The following SHISA9 variants were observed in gnomAD, a reference collection of about 807,000 sequenced individuals.
SHISA9 encodes shisa family member 9.
SHISA9 carries 13 observed loss-of-function variants against 38.0 expected under a neutral mutation model. That is an observed-to-expected ratio of 0.34 (90% CI 0.22 to 0.54). SHISA9 has a LOEUF of 0.54. Among genes scored for constraint, SHISA9 ranks in the 20% least tolerant of loss-of-function variants. SHISA9 has a pLI of 0.91. For synonymous variants in SHISA9, 275 were observed against 242.0 expected (o/e 1.14, Z -1.27); for missense variants, 538 against 575.8 (o/e 0.93, Z 0.67).
chr16:13,198,282 G>A (rs1216710620), intron 2 of SHISA9, among the ~76,000 whole-genome samples: 1 of 146,672 alleles, frequency 6.8e-6, no homozygotes, highest in Non-Finnish European at 1.5e-5. Flanking sequence ...ATATATACTT[G>A]TGTGTATATG....
rs1596744134 is a variant in SHISA9, at chr16:13,221,098, C to T, written c.895+7798C>T. On this transcript the variant is annotated intron_variant, in intron 4 of 4. Coordinates refer to ENST00000558583, the MANE Select transcript of SHISA9 (RefSeq NM_001145204.3). ...CTTCAGGGTTAAGACTAAAAAAGGG[C>T]CAGGCTCCTGGACGCCTTTTTCCGG... is the stretch of plus-strand genomic sequence containing the variant. Among the ~76,000 whole-genome samples, 3 of 151,984 alleles carry T rather than the reference C, an allele frequency of 2.0e-5. No individual in the cohort carries two copies. In the South Asian group the frequency reaches 6.2e-4, roughly 32 times the overall value.
the SHISA9 span, among the ~76,000 whole-genome samples, chr16:13,554,314 A>C: frequency 6.9e-6 from 1 of 145,662 alleles, no homozygotes; most frequent in Middle Eastern, 3.5e-3. Context: ...AAAAAAAAAC[A>C]CCTTTCATGC....
the SHISA9 span, among the ~76,000 whole-genome samples, chr16:13,342,280 AC>A: frequency 3.9e-5 from 6 of 152,142 alleles, no homozygotes; most frequent in Admixed American, 3.9e-4. Context: ...TGTCCTATGT[AC>A]AAACATCACA....
intron 2 of SHISA9, among the ~76,000 whole-genome samples, chr16:13,103,679 C>G (rs1041912780): frequency 4.6e-5 from 7 of 152,248 alleles, no homozygotes; most frequent in Middle Eastern, 3.2e-3. Context: ...AAGCTTTCCT[C>G]TCTTCTGTCT....
At chr16:13,146,345 G>A (rs532514189) in intron 2 of SHISA9, among the ~76,000 whole-genome samples, 2 of 152,280 alleles carry the variant, frequency 1.3e-5, no homozygotes, top group African/African-American at 4.8e-5. Flanking sequence ...AGGAAGTTAG[G>A]TGCATAGCTT....
intron 2 of SHISA9, among the ~76,000 whole-genome samples, chr16:13,070,312 C>T (rs2073498265): frequency 6.6e-6 from 1 of 152,160 alleles, no homozygotes; most frequent in African/African-American, 2.4e-5. Context: ...CTCTTTCTCT[C>T]CTCCTTCCGT....
At chr16:12,942,224 T>C (rs554968693) in intron 2 of SHISA9, among the ~76,000 whole-genome samples, 196 of 152,346 alleles carry the variant, frequency 1.3e-3, no homozygotes, top group African/African-American at 4.5e-3. Flanking sequence ...GTTTCAATTC[T>C]CTTGTATTTC....
the SHISA9 span, among the ~76,000 whole-genome samples, chr16:13,341,559 C>A: frequency 1.3e-5 from 2 of 152,112 alleles, no homozygotes; most frequent in Non-Finnish European, 2.9e-5. Context: ...ATAGTTTATA[C>A]CTGCTGTTAT....
At position 13,186,477 on chromosome 16, in the gene SHISA9, T is replaced by C. The variant is rs377107291; in HGVS notation, c.692-16917T>C. Among the ~76,000 whole-genome samples the C allele has an allele frequency of 1.6e-4, 25 of 151,910 alleles. 2 individuals carry two copies. Among genetic ancestry groups the C allele is most frequent in the African/African-American group, 5.6e-4 (23 of 41,436 alleles). ...CACACCCGGCTAATTTTTGTATTTT[T>C]AGTAGAGATGGGATTTCACCATGTT... On this transcript the variant is annotated intron_variant, in intron 2 of 4. Transcript: ENST00000558583.
intron 4 of SHISA9, among the ~76,000 whole-genome samples, chr16:13,217,009 C>T (rs1293047408): frequency 1.3e-5 from 2 of 152,036 alleles, no homozygotes; most frequent in Non-Finnish European, 2.9e-5. Context: ...CGGTGGCTCA[C>T]GCCTGTAATC....
chr16:13,270,010 C>A, the SHISA9 span, among the ~76,000 whole-genome samples: 1 of 152,094 alleles, frequency 6.6e-6, no homozygotes, highest in Admixed American at 6.5e-5. Flanking sequence ...GAGCCTGACC[C>A]AATTATAATT....
intron 2 of SHISA9, among the ~76,000 whole-genome samples, chr16:13,101,131 G>A (rs1045206731): frequency 6.6e-6 from 1 of 152,138 alleles, no homozygotes; most frequent in Non-Finnish European, 1.5e-5. Context: ...GAGGGAAGTG[G>A]GGAGATATTG....
At chr16:13,387,258 ATTG>A in the SHISA9 span, among the ~76,000 whole-genome samples, 5 of 152,190 alleles carry the variant, frequency 3.3e-5, no homozygotes, top group South Asian at 4.1e-4. Context: ...TGGAAATAGA[ATTG>A]TTGTAAACAG....
intron 2 of SHISA9, among the ~76,000 whole-genome samples, chr16:13,132,347 C>T (rs1475996168): frequency 6.6e-6 from 1 of 152,096 alleles, no homozygotes; most frequent in Non-Finnish European, 1.5e-5. Flanking sequence ...ACTGCTATTG[C>T]TGCTAATATT....
chr16:13,026,740 A>G (rs1285199981), intron 2 of SHISA9, among the ~76,000 whole-genome samples: 1 of 152,208 alleles, frequency 6.6e-6, no homozygotes, highest in Admixed American at 6.5e-5. Context: ...AAATGTGAGT[A>G]GTGATGGGAA....
chr16:13,081,178 GT>G (rs1396130877), intron 2 of SHISA9, among the ~76,000 whole-genome samples: 1 of 152,202 alleles, frequency 6.6e-6, no homozygotes, highest in East Asian at 1.9e-4. Flanking sequence ...TAATTTAGAA[GT>G]TTTTGCTGTA....
At chr16:13,052,304 C>T (rs996769599) in intron 2 of SHISA9, among the ~76,000 whole-genome samples, 1 of 152,146 alleles carries the variant, frequency 6.6e-6, no homozygotes, top group Non-Finnish European at 1.5e-5. Context: ...ATGCTTCTAG[C>T]AGTGGAAATA....
intron 2 of SHISA9, among the ~76,000 whole-genome samples, chr16:13,151,545 C>T (rs2050499681): frequency 6.6e-6 from 1 of 152,174 alleles, no homozygotes; most frequent in African/African-American, 2.4e-5. Flanking sequence ...TATATCTTAT[C>T]CACCCAGACA....
chr16:12,983,909 A>C (rs923877114), intron 2 of SHISA9, among the ~76,000 whole-genome samples: 4 of 152,060 alleles, frequency 2.6e-5, no homozygotes, highest in African/African-American at 7.2e-5. Flanking sequence ...CTTATCACCA[A>C]ATGCTATGTG....
Sources: gnomAD v4.1 joint callset for allele counts (sites outside exome capture counted in the v4.1 genomes callset) on GRCh38, gnomAD v4.1.1 for gene constraint, MANE v1.5 for transcripts, NCBI Gene and HGNC (gene_info 2026-07-23, HGNC 2026-07-21) for gene names.